SUPT20H: variants seen among roughly 807,000 people sequenced by gnomAD.
SUPT20H encodes the protein SPT20 homolog, SAGA complex component.
A neutral mutation model predicts 122.8 loss-of-function variants in SUPT20H; 82 were observed. The ratio of observed to expected loss-of-function variants is 0.67; its 90% CI spans 0.56 to 0.80. The LOEUF (loss-of-function observed/expected upper bound fraction) is 0.80, where lower values mean the gene tolerates loss of function less well. Among genes scored for constraint, SUPT20H ranks in the 30% least tolerant of loss-of-function variants. The pLI, the probability that SUPT20H is intolerant of heterozygous loss-of-function variation, is 0.00. For synonymous variants in SUPT20H, 291 were observed against 313.0 expected (o/e 0.93, Z 0.74); for missense variants, 831 against 921.6 (o/e 0.90, Z 1.27).
intron 2 of SUPT20H, among the ~76,000 whole-genome samples, chr13:37,051,179 ATTTGT>A (rs1399635867): frequency 2.6e-5 from 4 of 152,196 alleles, no homozygotes; most frequent in Non-Finnish European, 4.4e-5. Context: ...CCCCAAAACT[ATTTGT>A]ATTTATACCC....
chr13:37,056,130 G>C (rs1175836381), intron 1 of SUPT20H, among the ~76,000 whole-genome samples: 2 of 152,194 alleles, frequency 1.3e-5, no homozygotes, highest in African/African-American at 4.8e-5. Flanking sequence ...TGCTGGAGAG[G>C]ATGTGGAGAA....
Position 37,033,564 on chromosome 13 carries a change from G to A in SUPT20H, c.592C>T (p.Gln198Ter), listed in dbSNP as rs1451022630. The A allele has an allele frequency of 6.2e-7, 1 of 1,613,036 alleles. No individual in the cohort carries two copies. Among genetic ancestry groups the A allele is most frequent in the Non-Finnish European group, 8.5e-7 (1 of 1,179,624 alleles). ...GGTTCAGCTGTAGCTAGGATGAGCTGGCTCTCAAGCAAAAGTTTGTCTTCC... is the reference window on the plus strand; with the variant it reads ...GGTTCAGCTGTAGCTAGGATGAGCTAGCTCTCAAGCAAAAGTTTGTCTTCC... ...TQEDKLLLES[Q>*]LILATAEPLC... Residue 198 changes from glutamine to a stop codon, truncating the protein, a stop_gained, in exon 10 of 26, where the codon CAG becomes TAG. Coordinates refer to ENST00000350612, the MANE Select transcript of SUPT20H (RefSeq NM_001014286.3). LOFTEE classifies it high-confidence loss of function.
chr13:37,033,528 C>T lies in SUPT20H; in HGVS notation c.628G>A (p.Asp210Asn), dbSNP rs1400334139. Reference protein sequence around the residue: ...ILATAEPLCLDPSIAVTCTAN... With the variant: ...ILATAEPLCLNPSIAVTCTAN... ...GTGCAGGTGACTGCTATAGAAGGATCAAGACAGAGTGGTTCAGCTGTAGCT... is the reference window on the plus strand; with the variant it reads ...GTGCAGGTGACTGCTATAGAAGGATTAAGACAGAGTGGTTCAGCTGTAGCT... Residue 210 changes from aspartate to asparagine, a missense_variant, in exon 10 of 26, where the codon GAT (aspartate) becomes AAT (asparagine). By Grantham distance (23) the Asp-to-Asn change is conservative (BLOSUM62 1). Coordinates refer to ENST00000350612, the MANE Select transcript of SUPT20H (RefSeq NM_001014286.3). 1 of 1,613,632 alleles carries T rather than the reference C, an allele frequency of 6.2e-7. No homozygotes were observed. Among genetic ancestry groups the T allele is most frequent in the East Asian group, 2.2e-5 (1 of 44,848 alleles).
chr13:37,051,814 T>C (rs891004615), intron 1 of SUPT20H, among the ~76,000 whole-genome samples: 48 of 152,190 alleles, frequency 3.2e-4, no homozygotes, highest in African/African-American at 1.1e-3. Context: ...CTTGCCAAGT[T>C]ACAATTATTA....
chr13:37,043,978 C>G, intron 7 of SUPT20H, 100 bp downstream of exon 7: 1 of 625,346 alleles, frequency 1.6e-6, no homozygotes. Context: ...ATCATGTAGT[C>G]GTTTATATAC....
chr13:37,049,644 A>G (rs1454086035), intron 2 of SUPT20H, among the ~76,000 whole-genome samples: 1 of 151,998 alleles, frequency 6.6e-6, no homozygotes, highest in African/African-American at 2.4e-5. Flanking sequence ...GAGGCTGAGG[A>G]AGGAGAATCA....
At chr13:37,047,719 G>A (rs1468107445) in intron 4 of SUPT20H, 118 bp from the exon 5 acceptor site, 1 of 1,199,986 alleles carries the variant, frequency 8.3e-7, no homozygotes, top group Non-Finnish European at 1.1e-6. Flanking sequence ...CCAAAAACTG[G>A]GGTGGAGCTG....
At chr13:37,026,406 CAAT>C (rs1157622194) in intron 15 of SUPT20H, among the ~76,000 whole-genome samples, 170 bp from the exon 16 acceptor site, 28 of 151,950 alleles carry the variant, frequency 1.8e-4, no homozygotes, top group African/African-American at 6.8e-4. Flanking sequence ...ACATATGAAA[CAAT>C]GACTAAGTTT....
chr13:37,010,543 C>T lies in SUPT20H; in HGVS notation c.2202+9G>A. On this transcript the variant is annotated intron_variant, in intron 25 of 25. Transcript: ENST00000350612. ...TAAAAATGTAATCAGAGTGAAGTTG[C>T]TGGATTACTTGTATCTGTTGCTGCT... is the stretch of plus-strand genomic sequence containing the variant. The T allele has an allele frequency of 1.2e-6, 2 of 1,610,664 alleles. No homozygotes were observed. Among genetic ancestry groups the T allele is most frequent in the Non-Finnish European group, 1.7e-6 (2 of 1,177,244 alleles).
chr13:37,024,006 T>C (rs2061788302), intron 19 of SUPT20H, 29 bp downstream of exon 19: 1 of 1,583,698 alleles, frequency 6.3e-7, no homozygotes, highest in Non-Finnish European at 8.6e-7. Context: ...CTTATGAAGA[T>C]TTAATGAAGA....
chr13:37,024,555 TC>T (rs768673948), intron 17 of SUPT20H, 113 bp from the exon 18 acceptor site: 103 of 718,082 alleles, frequency 1.4e-4, no homozygotes, highest in Non-Finnish European at 2.0e-4. Flanking sequence ...CTGCTATAAA[TC>T]CCAGATTTTT....
At position 37,044,679 on chromosome 13, in the gene SUPT20H, T is replaced by TA. The variant is rs545526742; in HGVS notation, c.293-499dup. ...ATCATATTAAATTTTTACACCTCTTTAATGAAACTGAAGTGTTTCTATTTT... is the reference window on the plus strand; with the variant it reads ...ATCATATTAAATTTTTACACCTCTTTAAATGAAACTGAAGTGTTTCTATTTT... On this transcript the variant is annotated intron_variant, in intron 6 of 25. Transcript: ENST00000350612. 1.1e-3 allele frequency among the ~76,000 whole-genome samples: 160 copies of TA among 152,322 alleles called. 1 individual carries two copies. The highest frequency in any genetic ancestry group is 3.7e-3 in the African/African-American group (154 of 41,580).
chr13:37,012,083 C>T, intron 24 of SUPT20H, 109 bp downstream of exon 24: 3 of 810,984 alleles, frequency 3.7e-6, no homozygotes, highest in Admixed American at 4.5e-5. Context: ...TTACTTTTTC[C>T]TGTTTACTGG....
intron 9 of SUPT20H, chr13:37,037,992 T>C (rs2138458406): frequency 6.6e-6 from 1 of 152,186 alleles, no homozygotes; most frequent in South Asian, 2.1e-4. Flanking sequence ...TGAATTCCTA[T>C]AAACTGCTAG....
At position 37,017,219 on chromosome 13, in the gene SUPT20H, C is replaced by T. The variant is rs749675846; in HGVS notation, c.1992+26G>A. Reference sequence around the variant, plus strand: ...AAATGTTATAAATTCGATGTAAAAGCATATGGAAGGCTAGAAAATCCATAC... The same window carrying T: ...AAATGTTATAAATTCGATGTAAAAGTATATGGAAGGCTAGAAAATCCATAC... On this transcript the variant is annotated intron_variant, in intron 23 of 25. Coordinates refer to ENST00000350612, the MANE Select transcript of SUPT20H (RefSeq NM_001014286.3). The T allele has an allele frequency of 2.5e-6, 4 of 1,613,804 alleles. No homozygotes were observed. The South Asian group carries it at 4.4e-5, about 18-fold the overall frequency.
intron 21 of SUPT20H, 36 bp from the exon 22 acceptor site, chr13:37,019,433 A>T: frequency 1.4e-6 from 2 of 1,462,900 alleles, no homozygotes; most frequent in Non-Finnish European, 1.9e-6. Context: ...ACAGAATTGA[A>T]AGTTTATTAC....
At chr13:37,034,522 A>G (rs1019154026) in intron 9 of SUPT20H, among the ~76,000 whole-genome samples, 3 of 152,240 alleles carry the variant, frequency 2.0e-5, no homozygotes, top group African/African-American at 7.2e-5. Context: ...CTGCAGAAGA[A>G]AAGTTTGAAG....
chr13:37,053,069 T>C (rs867439422), intron 1 of SUPT20H, among the ~76,000 whole-genome samples: 15 of 152,172 alleles, frequency 9.9e-5, no homozygotes, highest in African/African-American at 2.7e-4. Flanking sequence ...ACACTGTTGG[T>C]GGTAGTGTAA....
chr13:37,031,713 G>C, intron 11 of SUPT20H, 26 bp downstream of exon 11: 1 of 1,560,608 alleles, frequency 6.4e-7, no homozygotes, highest in Non-Finnish European at 8.6e-7. Context: ...GGCATAATAA[G>C]CTTCATTTAA....
Sources: gnomAD v4.1 joint callset for allele counts (sites outside exome capture counted in the v4.1 genomes callset) on GRCh38, gnomAD v4.1.1 for gene constraint, MANE v1.5 for transcripts, NCBI Gene and HGNC (gene_info 2026-07-23, HGNC 2026-07-21) for gene names.